Variants in GP6 observed in about 807,000 individuals in gnomAD.
The protein encoded by GP6 is platelet glycoprotein VI.
In GP6, 45 loss-of-function variants were observed where a neutral mutation model predicts 37.3. The ratio of observed to expected loss-of-function variants is 1.21; its 90% CI spans 0.95 to 1.55. The LOEUF is 1.55. Ranked by LOEUF, GP6 falls within the 40% of genes most tolerant of loss-of-function variation. GP6 has a pLI of 0.00. For synonymous variants in GP6, 340 were observed against 316.4 expected (o/e 1.07, Z -0.79); for missense variants, 813 against 760.2 (o/e 1.07, Z -0.82).
chr19:55,033,271 ACTCGTTCGTGTTAGACACG>A (rs1568643140), intron 1 of GP6, among the ~76,000 whole-genome samples: 2,864 of 38,618 alleles, frequency 0.074, 462 homozygotes, highest in Non-Finnish European at 0.09. Flanking sequence ...GACACGGTGG[ACTCGTTCGTGTTAGACACG>A]GTGGACTCGT....
At chr19:55,036,211 A>G (rs930206183) in intron 1 of GP6, among the ~76,000 whole-genome samples, 16 of 152,266 alleles carry the variant, frequency 1.1e-4, no homozygotes, top group African/African-American at 3.1e-4. Context: ...TGGGTATGCA[A>G]AGGCATGCAG....
chr19:55,022,583 A>G (rs2074124003), intron 5 of GP6, among the ~76,000 whole-genome samples: 1 of 152,258 alleles, frequency 6.6e-6, no homozygotes, highest in Non-Finnish European at 1.5e-5. Context: ...CTGTTTGCAG[A>G]TGACATGATC....
At chr19:55,034,088 A>G (rs1389785353) in intron 1 of GP6, among the ~76,000 whole-genome samples, 5 of 151,200 alleles carry the variant, frequency 3.3e-5, no homozygotes, top group African/African-American at 4.8e-5. Flanking sequence ...ATACATGTGT[A>G]TGTACATATA....
chr19:55,033,498 G>A (rs2074692222), intron 1 of GP6, among the ~76,000 whole-genome samples: 2 of 125,470 alleles, frequency 1.6e-5, no homozygotes, highest in South Asian at 5.3e-4. Context: ...GCTCGTTCGT[G>A]TTGTGTTAGA....
chr19:55,033,174 G>A (rs1346491877), intron 1 of GP6, among the ~76,000 whole-genome samples: 6 of 148,600 alleles, frequency 4.0e-5, no homozygotes, highest in Non-Finnish European at 1.5e-5. Flanking sequence ...CGGTGGGTTC[G>A]TTCGTGTTAG....
At chr19:55,037,919 C>T (rs1408762129) in intron 1 of GP6, among the ~76,000 whole-genome samples, 2 of 151,968 alleles carry the variant, frequency 1.3e-5, no homozygotes, top group Non-Finnish European at 2.9e-5. Context: ...CTGTGCCTGG[C>T]CCACATTTTT....
chr19:55,033,382 A>AGACGCGGTGGG (rs1393879239), intron 1 of GP6, among the ~76,000 whole-genome samples: 1 of 7,712 alleles, frequency 1.3e-4, no homozygotes, highest in African/African-American at 4.8e-4. Flanking sequence ...GACACGGTGG[A>AGACGCGGTGGG]CTCGTTCGTG....
rs762526564 is a variant in GP6, at chr19:55,015,090, G to A, written c.855C>T (p.Gly285=). 25 of 1,597,862 alleles carry A rather than the reference G, an allele frequency of 1.6e-5. No individual in the cohort carries two copies. Among genetic ancestry groups the A allele is most frequent in the Non-Finnish European group, 1.9e-5 (22 of 1,172,598 alleles). Residue 285 remains glycine, a synonymous_variant, in exon 8 of 8, where the codon GGC becomes GGT. Transcript: ENST00000310373. ...GTGCCAGTCCTCTGCCAGAAACCCCGCCAGGATTATTAGGATCACAGCCCC... is the reference window on the plus strand; with the variant it reads ...GTGCCAGTCCTCTGCCAGAAACCCCACCAGGATTATTAGGATCACAGCCCC...
chr19:55,024,045 A>G (rs1190285224), intron 5 of GP6, among the ~76,000 whole-genome samples: 2 of 152,220 alleles, frequency 1.3e-5, no homozygotes, highest in African/African-American at 2.4e-5. Flanking sequence ...ACGCGAATCT[A>G]CAACTGTGAC....
Position 55,019,098 on chromosome 19 carries a change from C to CT in GP6, c.665-388dup, listed in dbSNP as rs1430710220. 6.7e-5 allele frequency among the ~76,000 whole-genome samples: 5 copies of CT among 74,954 alleles called. No individual in the cohort carries two copies. The South Asian group carries it at 1.2e-3, about 18-fold the overall frequency. 49.2% of individuals were successfully genotyped at this position (74,954 alleles called of 152,430 possible). A position where few individuals can be genotyped will look rare whatever the true frequency, so the allele number is the denominator to read the frequency against. Reference sequence around the variant, plus strand: ...TTTTGAAGAACTACCAGACTTCTTTCTTTTTTTTCTTTTTTTTTTTTTTTT... The same window carrying CT: ...TTTTGAAGAACTACCAGACTTCTTTCTTTTTTTTTCTTTTTTTTTTTTTTTT... On this transcript the variant is annotated intron_variant, in intron 5 of 7. Coordinates refer to ENST00000310373, the MANE Select transcript of GP6 (RefSeq NM_001083899.2).
chr19:55,034,656 A>G (rs1168292077), intron 1 of GP6, among the ~76,000 whole-genome samples: 2 of 151,656 alleles, frequency 1.3e-5, no homozygotes, highest in Non-Finnish European at 2.9e-5. Context: ...AAAAAGTACT[A>G]ATTATCTGAA....
rs964896361 is a variant in GP6 at position 55,015,253 on chromosome 19, A to G, written c.780-88T>C. On this transcript the variant is annotated intron_variant, in intron 7 of 7. Coordinates refer to ENST00000310373, the MANE Select transcript of GP6 (RefSeq NM_001083899.2). The stretch of plus-strand genomic sequence containing the variant: ...CACATCTGGGCTTCTCAGAGATCCT[A>G]TTATTCTCTACTAGCTAGGGGATGC... 39 of 1,545,784 alleles carry G rather than the reference A, an allele frequency of 2.5e-5. 1 individual carries two copies. In the South Asian group the frequency reaches 4.4e-4, roughly 17 times the overall value.
intron 6 of GP6, among the ~76,000 whole-genome samples, chr19:55,017,618 C>G (rs1191035587): frequency 4.6e-5 from 7 of 152,082 alleles, no homozygotes; most frequent in African/African-American, 1.7e-4. Flanking sequence ...TGGCTGAGAA[C>G]AGCATGGGAA....
intron 7 of GP6, 119 bp from the exon 8 acceptor site, chr19:55,015,284 A>AC: frequency 6.7e-7 from 1 of 1,494,416 alleles, no homozygotes; most frequent in Non-Finnish European, 9.1e-7. Context: ...GATGCCGCTC[A>AC]CTTTCCTGGA....
At chr19:55,020,531 C>A (rs1387180322) in intron 5 of GP6, among the ~76,000 whole-genome samples, 2 of 152,108 alleles carry the variant, frequency 1.3e-5, no homozygotes, top group Non-Finnish European at 2.9e-5. Flanking sequence ...CCATCCATGT[C>A]CCTGCAAAGG....
intron 1 of GP6, 86 bp from the exon 2 acceptor site, chr19:55,032,624 T>C: frequency 7.6e-7 from 1 of 1,313,510 alleles, no homozygotes; most frequent in South Asian, 1.2e-5. Flanking sequence ...GACATTTGCA[T>C]GCATATGCTT....
At position 55,014,768 on chromosome 19, in the gene GP6, C is replaced by G. The variant is rs1037364256; in HGVS notation, c.1177G>C (p.Glu393Gln). ...ACAGACAGACACTGGCCGAACGGCT[C>G]CCTGATGGAACACCAGGAGGAGGCA... The change falls in exon 8 of 8, where the codon GAG (glutamate) becomes CAG (glutamine). Residue 393 changes from glutamate (E) to glutamine (Q), a missense_variant. By Grantham distance (29) the Glu-to-Gln change is conservative. Transcript: ENST00000310373. The G allele has an allele frequency of 1.2e-6, 2 of 1,613,652 alleles. No individual in the cohort carries two copies. The highest frequency in any genetic ancestry group is 1.7e-6 in the Non-Finnish European group (2 of 1,179,902).
chr19:55,033,512 G>T (rs1984779), intron 1 of GP6, among the ~76,000 whole-genome samples: 22 of 84,226 alleles, frequency 2.6e-4, no homozygotes, highest in South Asian at 1.3e-3. Flanking sequence ...TGTTAGACAC[G>T]GTGGGCTCGT....
chr19:55,034,120 GTATATGTA>G (rs1568646504), intron 1 of GP6, among the ~76,000 whole-genome samples: 30 of 104,866 alleles, frequency 2.9e-4, no homozygotes, highest in East Asian at 8.7e-4. Context: ...ATACACACGT[GTATATGTA>G]TGTATATGTA....
Sources: gnomAD v4.1 joint callset for allele counts (sites outside exome capture counted in the v4.1 genomes callset) on GRCh38, gnomAD v4.1.1 for gene constraint, MANE v1.5 for transcripts, NCBI Gene and HGNC (gene_info 2026-07-23, HGNC 2026-07-21) for gene names.